LAMA2: variants seen among roughly 807,000 people sequenced by gnomAD.
LAMA2 encodes the protein laminin subunit alpha-2.
LAMA2 carries 269 observed loss-of-function variants against 364.8 expected under a neutral mutation model. The ratio of observed to expected loss-of-function variants is 0.74; its 90% CI spans 0.67 to 0.82. The LOEUF is 0.82. Among genes scored for constraint, LAMA2 ranks in the 40% least tolerant of loss-of-function variants. The pLI is 0.00. For synonymous variants in LAMA2, 1,379 were observed against 1,370.6 expected, an observed-to-expected ratio of 1.01 and a Z score of -0.14; for missense variants, 3,807 against 3,873.2, an observed-to-expected ratio of 0.98 and a Z score of 0.45.
At chr6:129,156,430 T>TA (rs1779117386) in intron 8 of LAMA2, among the ~76,000 whole-genome samples, 1 of 151,822 alleles carries the variant, frequency 6.6e-6, no homozygotes, top group African/African-American at 2.4e-5. Flanking sequence ...TGCATGACTG[T>TA]AAAAAAAATT....
chr6:129,137,275 A>G (rs1389574302), intron 4 of LAMA2, among the ~76,000 whole-genome samples: 3 of 151,894 alleles, frequency 2.0e-5, no homozygotes, highest in African/African-American at 4.8e-5. Flanking sequence ...AAAGACCTTT[A>G]TTAAAGACCT....
chr6:129,083,109 CA>C (rs1774170365), intron 3 of LAMA2, among the ~76,000 whole-genome samples: 1 of 151,836 alleles, frequency 6.6e-6, no homozygotes, highest in African/African-American at 2.4e-5. Flanking sequence ...CACGTGTACA[CA>C]CAAATACATA....
At chr6:129,385,602 A>G (rs953147449) in intron 35 of LAMA2, among the ~76,000 whole-genome samples, 1 of 152,180 alleles carries the variant, frequency 6.6e-6, no homozygotes, top group African/African-American at 2.4e-5. Context: ...ACCTCGTTAT[A>G]GATAATCACC....
At chr6:128,997,454 T>C in intron 1 of LAMA2, among the ~76,000 whole-genome samples, 1 of 151,946 alleles carries the variant, frequency 6.6e-6, no homozygotes. Context: ...AGAATAGTAT[T>C]AGTCAAAGTT....
At chr6:129,083,074 GCTCACACA>G (rs1449423238) in intron 3 of LAMA2, among the ~76,000 whole-genome samples, 2 of 25,676 alleles carry the variant, frequency 7.8e-5, no homozygotes, top group Non-Finnish European at 1.9e-4. Flanking sequence ...GTTCTCCTCT[GCTCACACA>G]CACACACACA....
chr6:129,374,344 A>G (rs952404340), intron 34 of LAMA2, among the ~76,000 whole-genome samples: 1 of 152,116 alleles, frequency 6.6e-6, no homozygotes, highest in African/African-American at 2.4e-5. Flanking sequence ...ACTTCCAATT[A>G]CCCATGACTA....
chr6:129,273,584 C>T (rs183641393), intron 17 of LAMA2, among the ~76,000 whole-genome samples: 86 of 152,220 alleles, frequency 5.6e-4, no homozygotes, highest in African/African-American at 1.9e-3. Context: ...TAATTATAGG[C>T]ATTCATGACC....
chr6:128,908,379 G>A (rs966053835), intron 1 of LAMA2, among the ~76,000 whole-genome samples: 1 of 150,752 alleles, frequency 6.6e-6, no homozygotes, highest in Non-Finnish European at 1.5e-5. Flanking sequence ...TGTATGTGTC[G>A]AGGAATTTAT....
chr6:129,254,946 A>G (rs755834994), intron 14 of LAMA2, among the ~76,000 whole-genome samples: 2 of 151,940 alleles, frequency 1.3e-5, no homozygotes, highest in Non-Finnish European at 2.9e-5. Flanking sequence ...TTCCAATCTC[A>G]TCTATAGGGG....
intron 27 of LAMA2, among the ~76,000 whole-genome samples, chr6:129,317,609 T>A (rs1016529692): frequency 1.7e-4 from 20 of 117,990 alleles, no homozygotes; most frequent in African/African-American, 3.5e-4. Flanking sequence ...ATAAAAAAAA[T>A]ATACTTAAAA....
chr6:128,981,482 C>G (rs1346733429), intron 1 of LAMA2, among the ~76,000 whole-genome samples: 2 of 151,692 alleles, frequency 1.3e-5, no homozygotes, highest in Admixed American at 1.3e-4. Flanking sequence ...GTGGCACACA[C>G]CTGTAATCCC....
intron 4 of LAMA2, among the ~76,000 whole-genome samples, chr6:129,141,506 TA>T (rs1778123329): frequency 6.6e-6 from 1 of 152,054 alleles, no homozygotes. Context: ...TTCATATTTT[TA>T]TCATGAGGCA....
intron 20 of LAMA2, 144 bp from the exon 21 acceptor site, chr6:129,297,541 A>G: frequency 2.7e-6 from 2 of 742,560 alleles, no homozygotes; most frequent in South Asian, 1.6e-5. Flanking sequence ...TGATTGAATG[A>G]AAACCCAATT....
At chr6:128,964,633 A>T (rs868293122) in intron 1 of LAMA2, among the ~76,000 whole-genome samples, 1 of 152,070 alleles carries the variant, frequency 6.6e-6, no homozygotes, top group South Asian at 2.1e-4. Context: ...TTATAGCCTA[A>T]ATGTTGTTTC....
At position 129,469,731 on chromosome 6, in the gene LAMA2, G is replaced by T. The variant is rs546807262; in HGVS notation, c.7301-3483G>T. Among the ~76,000 whole-genome samples the T allele has an allele frequency of 3.3e-5, 5 of 151,144 alleles. No individual in the cohort carries two copies. In the South Asian group the frequency reaches 1.0e-3, roughly 32 times the overall value. ...AGGTAAATAGATATACATAAATTGT[G>T]GTATACTCATACAATGGAATACTAG... On this transcript the variant is annotated intron_variant, in intron 51 of 64. Coordinates refer to ENST00000421865, the MANE Select transcript of LAMA2 (RefSeq NM_000426.4).
chr6:128,932,055 C>G (rs938632311), intron 1 of LAMA2, among the ~76,000 whole-genome samples: 1 of 152,158 alleles, frequency 6.6e-6, no homozygotes, highest in Non-Finnish European at 1.5e-5. Context: ...AAAAAAACCT[C>G]TCACAACTTT....
At chr6:129,064,375 A>C in intron 3 of LAMA2, among the ~76,000 whole-genome samples, 1 of 151,540 alleles carries the variant, frequency 6.6e-6, no homozygotes, top group East Asian at 1.9e-4. Flanking sequence ...AAAAAAAAAA[A>C]AAATGAAGAA....
At chr6:129,050,144 T>A in intron 2 of LAMA2, 56 bp downstream of exon 2, 1 of 1,548,272 alleles carries the variant, frequency 6.5e-7, no homozygotes, top group East Asian at 2.2e-5. Flanking sequence ...AATTGTGAGA[T>A]GTTGAGGCCA....
At chr6:129,065,286 C>T (rs1187453001) in intron 3 of LAMA2, among the ~76,000 whole-genome samples, 5 of 152,160 alleles carry the variant, frequency 3.3e-5, no homozygotes, top group African/African-American at 1.2e-4. Context: ...TATGACACAT[C>T]CTCAGCTAAC....
Sources: allele counts gnomAD v4.1 joint callset (sites outside exome capture counted in the v4.1 genomes callset), GRCh38; gene constraint gnomAD v4.1.1; transcripts MANE v1.5; gene names NCBI Gene and HGNC (gene_info 2026-07-23, HGNC 2026-07-21).